The following NLRP9 variants were observed in gnomAD, a reference collection of about 807,000 sequenced individuals.
NLRP9 encodes NACHT, LRR and PYD domains-containing protein 9.
A neutral mutation model predicts 83.1 loss-of-function variants in NLRP9; 88 were observed. The observed-to-expected ratio is 1.06, with a 90% CI of 0.89 to 1.26. The LOEUF is 1.26. Among genes scored for constraint, NLRP9 ranks in the 50% most tolerant of loss-of-function variants. NLRP9 has a pLI of 0.00. For synonymous variants in NLRP9, 521 were observed against 447.6 expected, an observed-to-expected ratio of 1.16 and a Z score of -2.07; for missense variants, 1,308 against 1,179.3, an observed-to-expected ratio of 1.11 and a Z score of -1.60.
intron 3 of NLRP9, among the ~76,000 whole-genome samples, chr19:55,724,934 C>T (rs1024325883): frequency 5.9e-5 from 9 of 152,162 alleles, no homozygotes; most frequent in African/African-American, 2.2e-4. Context: ...TGGTGTGTGC[C>T]TGTAATCCCA....
intron 7 of NLRP9, 139 bp downstream of exon 7, chr19:55,712,281 G>T: frequency 1.3e-6 from 1 of 744,574 alleles, no homozygotes; most frequent in African/African-American, 1.8e-5. Flanking sequence ...AGCAAACCCT[G>T]GGGCAGCATT....
At position 55,714,933 on chromosome 19, in the gene NLRP9, T is replaced by C; in HGVS notation, c.2501+122A>G. 2.0e-5 allele frequency: 18 copies of C among 919,286 alleles called. No homozygotes were observed. In the South Asian group the frequency reaches 2.0e-4, roughly 10 times the overall value. 56.9% of individuals were successfully genotyped at this position (919,286 alleles called of 1,614,324 possible). The stretch of plus-strand genomic sequence containing the variant: ...TCAGCCTGGGGGTGAGGACCCAACA[T>C]ACGAATTTTGGGAGGACATATACAT... On this transcript the variant is annotated intron_variant, in intron 6 of 8. Transcript: ENST00000332836.
rs774608869 is a variant in NLRP9 at position 55,723,983 on chromosome 19, A to C, written c.2156T>G (p.Leu719Arg). 1 of 1,610,938 alleles carries C rather than the reference A, an allele frequency of 6.2e-7. No individual in the cohort carries two copies. Among genetic ancestry groups the C allele is most frequent in the African/African-American group, 1.3e-5 (1 of 74,848 alleles). The stretch of plus-strand genomic sequence containing the variant: ...GGCATGAACAGCCCGGACTTACATC[A>C]GCTCTTCTATCTTGCACATTGGATG... Reference protein sequence around the residue: ...LKHPMCKIEELILGKCDISSE... With the variant: ...LKHPMCKIEERILGKCDISSE... Residue 719 changes from leucine (L) to arginine (R), a missense_variant, in exon 4 of 9, where the codon CTG becomes CGG. Physicochemically the swap from Leu to Arg is moderately radical, Grantham distance 102 (BLOSUM62 -2). Transcript: ENST00000332836.
chr19:55,734,044 T>G (rs1452106340), intron 1 of NLRP9, among the ~76,000 whole-genome samples: 1 of 149,580 alleles, frequency 6.7e-6, no homozygotes, highest in African/African-American at 2.5e-5. Context: ...TGCCGCAGCC[T>G]CCCGAGTAGC....
In NLRP9 at chr19:55,708,890, G is replaced by A. The variant is rs758835669; in HGVS notation, c.*22C>T. The A allele has an allele frequency of 3.7e-5, 56 of 1,501,230 alleles. No individual in the cohort carries two copies. The highest frequency in any genetic ancestry group is 1.2e-4 in the African/African-American group (8 of 68,872). 93.0% of individuals were successfully genotyped at this position (1,501,230 alleles called of 1,614,324 possible). On this transcript the variant is annotated 3_prime_UTR_variant, in exon 9 of 9. Coordinates refer to ENST00000332836, the MANE Select transcript of NLRP9 (RefSeq NM_176820.4). ...TGGCCAAGGAAAGCCTTTGTGAGAC[G>A]ACTACTTCAGGGTGTTCCCCATCAG...
intron 6 of NLRP9, among the ~76,000 whole-genome samples, chr19:55,714,467 T>G (rs1987929679): frequency 6.6e-6 from 1 of 152,150 alleles, no homozygotes; most frequent in Non-Finnish European, 1.5e-5. Context: ...CACTCGGGAC[T>G]CCATCCAGGC....
At chr19:55,729,233 AT>A (rs72078860) in intron 3 of NLRP9, among the ~76,000 whole-genome samples, 19,780 of 138,694 alleles carry the variant, frequency 0.14, 1,487 homozygotes, top group African/African-American at 0.22. Context: ...ATGTCACTAC[AT>A]TTTTTTTTTT....
chr19:55,714,987 T>A (rs1987949484), intron 6 of NLRP9, 68 bp downstream of exon 6: 30 of 1,432,068 alleles, frequency 2.1e-5, no homozygotes, highest in Non-Finnish European at 2.8e-5. Context: ...CTTTCCTATG[T>A]CTTTCCTAGA....
Position 55,738,127 on chromosome 19 carries a change from T to C in NLRP9, c.248A>G (p.Asp83Gly). 6.2e-7 allele frequency: 1 copy of C among 1,614,166 alleles called. No homozygotes were observed. The highest frequency in any genetic ancestry group is 1.1e-5 in the South Asian group (1 of 91,088). The change falls in exon 1 of 9, where the codon GAT (aspartate) becomes GGT (glycine). Residue 83 changes from aspartate to glycine, a missense_variant. Transcript: ENST00000332836. The stretch of plus-strand genomic sequence containing the variant: ...CTCTTCCTGAGCCTTTGTCCAGAGA[T>C]CTTTCCTATTGATCTGTAGAAACAG... Reference protein sequence around the residue: ...LNLFLQINRKDLWTKAQEEMR... With the variant: ...LNLFLQINRKGLWTKAQEEMR...
intron 2 of NLRP9, among the ~76,000 whole-genome samples, chr19:55,730,783 G>A (rs1988548418): frequency 6.6e-6 from 1 of 152,130 alleles, no homozygotes; most frequent in South Asian, 2.1e-4. Context: ...AGGAGGGAGA[G>A]CATCAGGAAG....
chr19:55,712,127 G>A (rs1367222380), intron 7 of NLRP9, among the ~76,000 whole-genome samples, 157 bp from the exon 8 acceptor site: 1 of 152,166 alleles, frequency 6.6e-6, no homozygotes. Context: ...GGGGACGTAT[G>A]TCTAGTGACC....
rs1220708488 is a variant in NLRP9, at chr19:55,733,278, G to A, written c.553C>T (p.Leu185Phe). Reference sequence around the variant, plus strand: ...ATACCGTTCATTTCACAGACATTGAGGAAAAACACAAATGTGAACCTGTCC... The same window carrying A: ...ATACCGTTCATTTCACAGACATTGAAGAAAAACACAAATGTGAACCTGTCC... ...WKDRFTFVFF[L>F]NVCEMNGIAE... The change falls in exon 2 of 9, where the codon CTC becomes TTC. Residue 185 changes from leucine to phenylalanine, a missense_variant. Transcript: ENST00000332836. 1 of 1,614,044 alleles carries A rather than the reference G, an allele frequency of 6.2e-7. No homozygotes were observed. Among genetic ancestry groups the A allele is most frequent in the Non-Finnish European group, 8.5e-7 (1 of 1,179,934 alleles).
intron 4 of NLRP9, 102 bp from the exon 5 acceptor site, chr19:55,717,000 G>T: frequency 2.4e-6 from 2 of 828,986 alleles, no homozygotes; most frequent in Non-Finnish European, 1.9e-6. Context: ...TCTTGCACCT[G>T]CCGATCCATT....
chr19:55,728,939 T>C (rs560554502), intron 3 of NLRP9, among the ~76,000 whole-genome samples: 31 of 151,418 alleles, frequency 2.0e-4, no homozygotes, highest in African/African-American at 6.6e-4. Context: ...ATTATTTGTA[T>C]AAAAGTAATA....
chr19:55,735,408 T>G (rs1988758765), intron 1 of NLRP9, among the ~76,000 whole-genome samples: 1 of 152,058 alleles, frequency 6.6e-6, no homozygotes, highest in East Asian at 1.9e-4. Context: ...GCCAACATAG[T>G]GAGACTCCAT....
chr19:55,737,697 C>A (rs1988818907), intron 1 of NLRP9: 1 of 149,504 alleles, frequency 6.7e-6, no homozygotes, highest in African/African-American at 2.9e-5. Flanking sequence ...CCTGGGAGTT[C>A]AAGACCAGCC....
chr19:55,709,396 T>G (rs1186856099), intron 8 of NLRP9: 1 of 156,758 alleles, frequency 6.4e-6, no homozygotes, highest in Non-Finnish European at 1.4e-5. Flanking sequence ...AAAAAAAACA[T>G]GAGCTTTTCT....
In NLRP9 at chr19:55,733,477, G is replaced by A. The variant is rs1332197074; in HGVS notation, c.354C>T (p.His118=). Residue 118 remains histidine (H), a synonymous_variant, in exon 2 of 9, where the codon CAC becomes CAT. Coordinates refer to ENST00000332836, the MANE Select transcript of NLRP9 (RefSeq NM_176820.4). ...QLIWEKETCL[H]VPEHFYKETM... ...TTTCTTTGTAGAAATGCTCAGGGAC[G>A]TGAAGACAGGTTTCCTTCTCCCATA... The A allele has an allele frequency of 6.8e-6, 11 of 1,612,970 alleles. No homozygotes were observed. The highest frequency in any genetic ancestry group is 8.5e-6 in the Non-Finnish European group (10 of 1,179,544).
chr19:55,724,084 A>G lies in NLRP9; in HGVS notation c.2055T>C (p.Pro685=). The G allele has an allele frequency of 1.9e-6, 3 of 1,613,384 alleles. No individual in the cohort carries two copies. The highest frequency in any genetic ancestry group is 2.5e-6 in the Non-Finnish European group (3 of 1,179,340). ...SELFKAVLHN[P]HLKLLSLYGT... ...CGTACAGGCTCAGAAGTTTCAGATG[A>G]GGGTTGTGAAGAACTGCCTTAAATA... Residue 685 remains proline (P), a synonymous_variant, in exon 4 of 9, where the codon CCT becomes CCC. Transcript: ENST00000332836.
Sources: allele counts gnomAD v4.1 joint callset (sites outside exome capture counted in the v4.1 genomes callset), GRCh38; gene constraint gnomAD v4.1.1; transcripts MANE v1.5; gene names NCBI Gene and HGNC (gene_info 2026-07-23, HGNC 2026-07-21).